Variants in ANK2 observed in about 807,000 individuals in gnomAD.
The protein encoded by ANK2 is ankyrin 2.
In ANK2, 83 loss-of-function variants were observed where a neutral mutation model predicts 360.5. That is an observed-to-expected ratio of 0.23 (90% CI 0.19 to 0.28). The LOEUF (loss-of-function observed/expected upper bound fraction) is 0.28. Among genes scored for constraint, ANK2 ranks in the 10% least tolerant of loss-of-function variants. The pLI, the probability that ANK2 is intolerant of heterozygous loss-of-function variation, is 1.00. For missense variants in ANK2, 4,201 were observed against 4,795.7 expected, an observed-to-expected ratio of 0.88 and a Z score of 3.66; for synonymous variants, 1,740 against 1,759.5, an observed-to-expected ratio of 0.99 and a Z score of 0.28.
the ANK2 span, among the ~76,000 whole-genome samples, chr4:112,766,824 C>G: frequency 6.6e-6 from 1 of 152,056 alleles, no homozygotes; most frequent in Non-Finnish European, 1.5e-5. Flanking sequence ...TTTCCCTCAC[C>G]CAAGACAGGA....
chr4:112,856,848 G>A (rs2066547832), intron 1 of ANK2, among the ~76,000 whole-genome samples: 1 of 152,190 alleles, frequency 6.6e-6, no homozygotes, highest in Non-Finnish European at 1.5e-5. Flanking sequence ...GAGAAATTGG[G>A]GTCAACTCTT....
chr4:113,282,485 G>A (rs529902869), intron 17 of ANK2, among the ~76,000 whole-genome samples, 190 bp from the exon 18 acceptor site: 2 of 152,282 alleles, frequency 1.3e-5, no homozygotes, highest in African/African-American at 2.4e-5. Context: ...AGAATGGGGT[G>A]CCTTGTGACT....
At chr4:112,920,335 G>C (rs954300577) in intron 2 of ANK2, among the ~76,000 whole-genome samples, 8 of 152,164 alleles carry the variant, frequency 5.3e-5, no homozygotes, top group African/African-American at 1.9e-4. Flanking sequence ...GTTTTAGGGA[G>C]AGACATGGTC....
intron 1 of ANK2, among the ~76,000 whole-genome samples, chr4:112,899,922 G>C (rs139172053): frequency 9.1e-4 from 138 of 152,206 alleles, no homozygotes; most frequent in African/African-American, 3.2e-3. Flanking sequence ...ATGAATGAAT[G>C]AATGATATAG....
chr4:112,810,015 A>T, the ANK2 span, among the ~76,000 whole-genome samples: 1 of 151,324 alleles, frequency 6.6e-6, no homozygotes, highest in Non-Finnish European at 1.5e-5. Flanking sequence ...AATTGCTAAC[A>T]TGTTGTCATA....
Position 113,358,787 on chromosome 4 carries a change from C to T in ANK2, c.10169C>T (p.Ser3390Phe). The T allele has an allele frequency of 2.5e-6, 4 of 1,614,114 alleles. No individual in the cohort carries two copies. The highest frequency in any genetic ancestry group is 3.4e-6 in the Non-Finnish European group (4 of 1,179,984). Reference sequence around the variant, plus strand: ...ATCGCACCAGATAATAGAAGCAAATCTGAATCTGATGCTAGTTCTTTGGAT... The same window carrying T: ...ATCGCACCAGATAATAGAAGCAAATTTGAATCTGATGCTAGTTCTTTGGAT... ...ASIAPDNRSK[S>F]ESDASSLDSK... Residue 3390 changes from serine (S) to phenylalanine (F), a missense_variant, in exon 38 of 46, where the codon TCT becomes TTT. Physicochemically the swap from Ser to Phe is radical, Grantham distance 155 (BLOSUM62 -2). Coordinates refer to ENST00000357077, the MANE Select transcript of ANK2 (RefSeq NM_001148.6).
intron 5 of ANK2, among the ~76,000 whole-genome samples, chr4:113,233,988 C>T (rs147416061): frequency 6.6e-6 from 1 of 152,290 alleles, no homozygotes; most frequent in African/African-American, 2.4e-5. Context: ...GCATCAGGGC[C>T]TCTGAGAAAT....
At chr4:113,115,089 T>A (rs1406933840) in intron 1 of ANK2, among the ~76,000 whole-genome samples, 1 of 152,162 alleles carries the variant, frequency 6.6e-6, no homozygotes, top group Non-Finnish European at 1.5e-5. Flanking sequence ...AATGACTGCT[T>A]TGACACCACA....
intron 1 of ANK2, among the ~76,000 whole-genome samples, chr4:113,094,359 T>C (rs1026735104): frequency 5.2e-4 from 79 of 152,142 alleles, no homozygotes; most frequent in African/African-American, 1.8e-3. Flanking sequence ...AGACAAAGAC[T>C]TCAGCCGTTA....
At chr4:112,733,343 A>G in the ANK2 span, among the ~76,000 whole-genome samples, 1 of 152,182 alleles carries the variant, frequency 6.6e-6, no homozygotes, top group Non-Finnish European at 1.5e-5. Flanking sequence ...TCTCACATGT[A>G]AAATCCTAGT....
the ANK2 span, among the ~76,000 whole-genome samples, chr4:112,781,067 A>G: frequency 6.6e-6 from 1 of 152,034 alleles, no homozygotes; most frequent in East Asian, 1.9e-4. Flanking sequence ...TGGTGTGATC[A>G]CAGCTCACCG....
chr4:113,307,564 T>C (rs1001836585), intron 23 of ANK2, among the ~76,000 whole-genome samples: 3 of 151,894 alleles, frequency 2.0e-5, no homozygotes, highest in Non-Finnish European at 4.4e-5. Context: ...TATGCCACCA[T>C]GCTAATTTTT....
intron 1 of ANK2, among the ~76,000 whole-genome samples, chr4:112,901,718 G>A (rs1239135221): frequency 6.6e-6 from 1 of 151,754 alleles, no homozygotes; most frequent in Non-Finnish European, 1.5e-5. Flanking sequence ...AAAATTAGCC[G>A]GGCACGGTGG....
At chr4:112,707,269 T>C in the ANK2 span, among the ~76,000 whole-genome samples, 1 of 152,190 alleles carries the variant, frequency 6.6e-6, no homozygotes, top group Non-Finnish European at 1.5e-5. Context: ...GACAGTAAAA[T>C]TGATTGATGC....
intron 34 of ANK2, 37 bp downstream of exon 34, chr4:113,343,179 C>T (rs2153983957): frequency 6.2e-7 from 1 of 1,606,102 alleles, no homozygotes; most frequent in Non-Finnish European, 8.5e-7. Flanking sequence ...GCATTTTTTT[C>T]AAGATCAAGG....
chr4:113,292,527 C>T lies in ANK2; in HGVS notation c.2376+13C>T, dbSNP rs1337715679. On this transcript the variant is annotated intron_variant, in intron 21 of 45. Coordinates refer to ENST00000357077, the MANE Select transcript of ANK2 (RefSeq NM_001148.6). ...CGCCACCACTGCGGTAAGGCAGACGCCACTGCCCCTCACCACGCTTTCTTC... is the reference window on the plus strand; with the variant it reads ...CGCCACCACTGCGGTAAGGCAGACGTCACTGCCCCTCACCACGCTTTCTTC... 1.9e-6 allele frequency: 3 copies of T among 1,591,640 alleles called. No homozygotes were observed. The highest frequency in any genetic ancestry group is 4.6e-5 in the East Asian group (2 of 43,934).
intron 43 of ANK2, among the ~76,000 whole-genome samples, chr4:113,371,008 ATAAAT>A (rs1455702322): frequency 6.6e-6 from 1 of 152,180 alleles, no homozygotes; most frequent in Non-Finnish European, 1.5e-5. Context: ...TTAATTTAAT[ATAAAT>A]TAAATTAGAT....
chr4:112,726,473 GTAT>G, the ANK2 span, among the ~76,000 whole-genome samples: 1 of 152,108 alleles, frequency 6.6e-6, no homozygotes, highest in Non-Finnish European at 1.5e-5. Context: ...GCTGTATTCA[GTAT>G]TATTCTTCTT....
Position 113,145,763 on chromosome 4 carries a change from A to C in ANK2, c.85-28653A>C, listed in dbSNP as rs1296810545. Reference sequence around the variant, plus strand: ...TGGAAGGGAACTGAGCAGAGGAGCCAAGGATCATCTTGATGAATTGCCCAC... The same window carrying C: ...TGGAAGGGAACTGAGCAGAGGAGCCCAGGATCATCTTGATGAATTGCCCAC... On this transcript the variant is annotated intron_variant, in intron 1 of 45. Coordinates refer to ENST00000357077, the MANE Select transcript of ANK2 (RefSeq NM_001148.6). 3.3e-6 allele frequency: 4 copies of C among 1,217,502 alleles called. No homozygotes were observed. In the Admixed American group the frequency reaches 1.1e-4, roughly 35 times the overall value. 75.4% of individuals were successfully genotyped at this position (1,217,502 alleles called of 1,614,324 possible). A position where few individuals can be genotyped will look rare whatever the true frequency, so the allele number is the denominator to read the frequency against.
Sources: allele counts gnomAD v4.1 joint callset (sites outside exome capture counted in the v4.1 genomes callset), GRCh38; gene constraint gnomAD v4.1.1; transcripts MANE v1.5; gene names NCBI Gene and HGNC (gene_info 2026-07-23, HGNC 2026-07-21).